The following ELOVL6 variants were observed in gnomAD, a reference collection of about 807,000 sequenced individuals.
ELOVL6 encodes very long chain fatty acid elongase 6.
In ELOVL6, 8 loss-of-function variants were observed where a neutral mutation model predicts 31.7. The ratio of observed to expected loss-of-function variants is 0.25; its 90% CI spans 0.15 to 0.45. The LOEUF is 0.45. ELOVL6 is among the 20% of genes least tolerant of loss of function. The pLI is 1.00. For synonymous variants in ELOVL6, 101 were observed against 117.7 expected (o/e 0.86, Z 0.92); for missense variants, 126 against 326.4 (o/e 0.39, Z 4.73).
chr4:110,190,472 A>G (rs1340093667), intron 1 of ELOVL6, among the ~76,000 whole-genome samples: 2 of 152,106 alleles, frequency 1.3e-5, no homozygotes, highest in Admixed American at 1.3e-4. Flanking sequence ...TAAAATTACA[A>G]ATTCATATTC....
chr4:110,056,125 G>GC (rs1553953512), intron 3 of ELOVL6, among the ~76,000 whole-genome samples: 1 of 141,964 alleles, frequency 7.0e-6, no homozygotes, highest in African/African-American at 2.8e-5. Context: ...TGGGAGCTGG[G>GC]GGGGGGGATA....
chr4:110,083,131 T>C (rs1331227320), intron 2 of ELOVL6, among the ~76,000 whole-genome samples: 2 of 151,662 alleles, frequency 1.3e-5, no homozygotes, highest in African/African-American at 4.9e-5. Context: ...TCATATCAAG[T>C]GATTAAGAAA....
At chr4:110,182,186 T>C (rs1759293030) in intron 1 of ELOVL6, among the ~76,000 whole-genome samples, 1 of 152,198 alleles carries the variant, frequency 6.6e-6, no homozygotes, top group Non-Finnish European at 1.5e-5. Context: ...AAAGTTGTAA[T>C]TCTAAAGTTA....
At chr4:110,077,506 C>T (rs1299099638) in intron 2 of ELOVL6, among the ~76,000 whole-genome samples, 1 of 152,170 alleles carries the variant, frequency 6.6e-6, no homozygotes, top group African/African-American at 2.4e-5. Flanking sequence ...CAGCAAACTC[C>T]AACAGACCTG....
At chr4:110,106,419 G>A (rs1041828527) in intron 1 of ELOVL6, among the ~76,000 whole-genome samples, 1 of 152,130 alleles carries the variant, frequency 6.6e-6, no homozygotes, top group South Asian at 2.1e-4. Flanking sequence ...CATGCTAAAC[G>A]AGGGGTAGAT....
chr4:110,072,333 G>A (rs1179772417), intron 2 of ELOVL6, among the ~76,000 whole-genome samples: 1 of 152,132 alleles, frequency 6.6e-6, no homozygotes, highest in African/African-American at 2.4e-5. Flanking sequence ...AAAATTAGCT[G>A]GGTATGGTGG....
intron 2 of ELOVL6, among the ~76,000 whole-genome samples, chr4:110,094,209 A>G (rs1756499622): frequency 6.7e-6 from 1 of 148,660 alleles, no homozygotes; most frequent in Non-Finnish European, 1.5e-5. Context: ...AGATTGTGCC[A>G]CTGCACTCCA....
chr4:110,162,942 T>G (rs1758672822), intron 1 of ELOVL6, among the ~76,000 whole-genome samples: 1 of 152,156 alleles, frequency 6.6e-6, no homozygotes, highest in Non-Finnish European at 1.5e-5. Context: ...ACCCAGATAG[T>G]CAGTGGTGCA....
At chr4:110,160,877 C>G (rs1181252265) in intron 1 of ELOVL6, among the ~76,000 whole-genome samples, 1 of 152,160 alleles carries the variant, frequency 6.6e-6, no homozygotes, top group African/African-American at 2.4e-5. Context: ...CTGACTGACT[C>G]CTTTATGGTT....
intron 2 of ELOVL6, among the ~76,000 whole-genome samples, chr4:110,077,915 C>A (rs1027563049): frequency 6.6e-6 from 1 of 152,160 alleles, no homozygotes; most frequent in Non-Finnish European, 1.5e-5. Flanking sequence ...GAGCTGAAAA[C>A]CAAGGCATGA....
At chr4:110,100,697 C>A (rs1187635440) in intron 2 of ELOVL6, among the ~76,000 whole-genome samples, 3 of 152,038 alleles carry the variant, frequency 2.0e-5, no homozygotes, top group African/African-American at 7.2e-5. Context: ...GGTGATTTTC[C>A]AAAAGAAAAA....
intron 2 of ELOVL6, among the ~76,000 whole-genome samples, chr4:110,080,022 C>T (rs1352000468): frequency 2.0e-5 from 3 of 152,010 alleles, no homozygotes; most frequent in South Asian, 2.1e-4. Context: ...ACACATACAC[C>T]CTCCCAAGAC....
At chr4:110,059,513 G>T (rs771243620) in intron 3 of ELOVL6, 90 bp downstream of exon 3, 14 of 1,387,542 alleles carry the variant, frequency 1.0e-5, no homozygotes, top group Non-Finnish European at 1.4e-5. Context: ...CAACAAAATA[G>T]GACCTTCAAA....
chr4:110,167,800 T>C (rs1412209392), intron 1 of ELOVL6, among the ~76,000 whole-genome samples: 1 of 152,152 alleles, frequency 6.6e-6, no homozygotes, highest in Non-Finnish European at 1.5e-5. Context: ...CCTCCCAAAG[T>C]GCTGGGATTA....
chr4:110,061,549 C>CTTTTTTTTTTT lies in ELOVL6; in HGVS notation c.222-1806_222-1796dup, dbSNP rs57846282. 1.3e-3 allele frequency among the ~76,000 whole-genome samples: 96 copies of CTTTTTTTTTTT among 72,360 alleles called. 15 individuals are homozygous for CTTTTTTTTTTT. Among genetic ancestry groups the CTTTTTTTTTTT allele is most frequent in the African/African-American group, 4.0e-3 (80 of 19,886 alleles). The allele number at this position is 72,360 out of a possible 152,430, so 47.5% of individuals were successfully genotyped here. On this transcript the variant is annotated intron_variant, in intron 2 of 3. Coordinates refer to ENST00000302274, the MANE Select transcript of ELOVL6 (RefSeq NM_024090.3). ...CTGTCTTTCCCTCACCAAATGATGGCTTTTTTTTTTTTTTTTTTTTTTTTT... is the reference window on the plus strand; with the variant it reads ...CTGTCTTTCCCTCACCAAATGATGGCTTTTTTTTTTTTTTTTTTTTTTTTTTTTTTTTTTTT...
At chr4:110,171,102 C>T (rs117466325) in intron 1 of ELOVL6, among the ~76,000 whole-genome samples, 1 of 152,266 alleles carries the variant, frequency 6.6e-6, no homozygotes, top group East Asian at 1.9e-4. Flanking sequence ...CTGGGTTTCC[C>T]GCTCAGTCAA....
intron 1 of ELOVL6, among the ~76,000 whole-genome samples, chr4:110,181,403 G>T (rs916743627): frequency 1.3e-5 from 2 of 151,734 alleles, no homozygotes; most frequent in Non-Finnish European, 2.9e-5. Context: ...AACCAAGATC[G>T]CACCTCTGCA....
At chr4:110,152,645 G>T (rs1435380664) in intron 1 of ELOVL6, among the ~76,000 whole-genome samples, 2 of 152,194 alleles carry the variant, frequency 1.3e-5, no homozygotes, top group Non-Finnish European at 2.9e-5. Flanking sequence ...TGGGTCTGGG[G>T]TGGGGCCTGC....
chr4:110,075,837 C>A (rs1755612033), intron 2 of ELOVL6, among the ~76,000 whole-genome samples: 4 of 152,156 alleles, frequency 2.6e-5, no homozygotes, highest in Admixed American at 2.0e-4. Context: ...AACTCCTATT[C>A]CTTAAAGAAT....
Sources: allele counts gnomAD v4.1 joint callset (sites outside exome capture counted in the v4.1 genomes callset), GRCh38; gene constraint gnomAD v4.1.1; transcripts MANE v1.5; gene names NCBI Gene and HGNC (gene_info 2026-07-23, HGNC 2026-07-21).